Variants in BDH2 observed in about 807,000 individuals in gnomAD.
The protein encoded by BDH2 is dehydrogenase/reductase SDR family member 6.
Under a neutral mutation model 33.2 loss-of-function variants are expected in BDH2, and 24 were observed. The observed-to-expected ratio is 0.72, with a 90% CI of 0.52 to 1.02. BDH2 has a LOEUF of 1.02. BDH2 is among the 50% of genes least tolerant of loss of function. BDH2 has a pLI of 0.00. For missense variants in BDH2, 249 were observed against 301.6 expected (o/e 0.83, Z 1.29); for synonymous variants, 81 against 101.6 (o/e 0.80, Z 1.22).
chr4:103,096,269 T>C lies in BDH2; in HGVS notation c.-15A>G. ...AGTCGACCCATAATGGAACCTGTGG[T>C]TTAATCTAAAGACATGTGTGTTTAA... On this transcript the variant is annotated 5_prime_UTR_variant, in exon 2 of 10. Transcript: ENST00000296424. 1 of 1,610,628 alleles carries C rather than the reference T, an allele frequency of 6.2e-7. No homozygotes were observed. The highest frequency in any genetic ancestry group is 8.5e-7 in the Non-Finnish European group (1 of 1,177,090).
intron 1 of BDH2, chr4:103,099,230 C>T (rs1748539915): frequency 6.6e-6 from 1 of 152,208 alleles, no homozygotes; most frequent in South Asian, 2.1e-4. Context: ...GAAGCACTTC[C>T]AGAACAAATG....
intron 1 of BDH2, chr4:103,099,170 C>T (rs1748536923): frequency 6.6e-6 from 1 of 152,052 alleles, no homozygotes; most frequent in Admixed American, 6.6e-5. Context: ...GGTGTATGGC[C>T]CTGTAAAGCC....
At chr4:103,084,757 T>G (rs1385187740) in intron 7 of BDH2, among the ~76,000 whole-genome samples, 3 of 152,208 alleles carry the variant, frequency 2.0e-5, no homozygotes, top group Non-Finnish European at 4.4e-5. Context: ...TTTCCCCTCT[T>G]TAAGTCAGTG....
At chr4:103,095,873 G>A (rs1006137289) in intron 2 of BDH2, among the ~76,000 whole-genome samples, 7 of 152,172 alleles carry the variant, frequency 4.6e-5, no homozygotes, top group Non-Finnish European at 1.0e-4. Context: ...AGAAAGCTGT[G>A]TAACCCTGTT....
At chr4:103,095,445 T>G (rs1748356108) in intron 2 of BDH2, among the ~76,000 whole-genome samples, 164 bp from the exon 3 acceptor site, 1 of 152,212 alleles carries the variant, frequency 6.6e-6, no homozygotes, top group Non-Finnish European at 1.5e-5. Flanking sequence ...TTCTCCATTG[T>G]TATTATTTTT....
At position 103,079,083 on chromosome 4, in the gene BDH2, A is replaced by G. The variant is rs1423243758; in HGVS notation, c.*619T>C. ...TTAATTGTATATGCTGCAATGGCCT[A>G]TTTGTATCACCCCAGAGTCATGTGT... On this transcript the variant is annotated 3_prime_UTR_variant, in exon 10 of 10. Coordinates refer to ENST00000296424, the MANE Select transcript of BDH2 (RefSeq NM_020139.4). Among the ~76,000 whole-genome samples, 1 of 152,220 alleles carries G rather than the reference A, an allele frequency of 6.6e-6. No individual in the cohort carries two copies. The highest frequency in any genetic ancestry group is 2.4e-5 in the African/African-American group (1 of 41,454).
chr4:103,095,032 C>T (rs1216121947), intron 3 of BDH2, among the ~76,000 whole-genome samples, 171 bp downstream of exon 3: 1 of 152,194 alleles, frequency 6.6e-6, no homozygotes, highest in Non-Finnish European at 1.5e-5. Flanking sequence ...ATGTAAGTCA[C>T]AGATTTTTGT....
chr4:103,098,256 G>A (rs1489619851), intron 1 of BDH2, among the ~76,000 whole-genome samples: 5 of 152,198 alleles, frequency 3.3e-5, no homozygotes, highest in Non-Finnish European at 7.4e-5. Flanking sequence ...TCAGAGATGA[G>A]ATAGGTAGGA....
chr4:103,096,209 G>C lies in BDH2; in HGVS notation c.46C>G (p.Gln16Glu). 1 of 1,613,792 alleles carries C rather than the reference G, an allele frequency of 6.2e-7. No homozygotes were observed. Among genetic ancestry groups the C allele is most frequent in the Non-Finnish European group, 8.5e-7 (1 of 1,179,734 alleles). Residue 16 changes from glutamine to glutamate, a missense_variant, in exon 2 of 10, where the codon CAG becomes GAG. By Grantham distance (29) the Gln-to-Glu change is conservative. Coordinates refer to ENST00000296424, the MANE Select transcript of BDH2 (RefSeq NM_020139.4). ...AAGGCAGCTGCTTGGCCAATCCCCT[G>C]AGCAGCGGCCGTCAGGATGATGACT... ...GKVIILTAAAQGIGQAAALAF... is the reference protein window; with the variant it reads ...GKVIILTAAAEGIGQAAALAF...
rs1377767619 is a variant in BDH2, at chr4:103,078,371, A to G, written c.*1331T>C. ...CAAATTTTATGTCCTCTTTTCTGTTATCCTGGAGTTTGGTGAAGAAATCTG... is the reference window on the plus strand; with the variant it reads ...CAAATTTTATGTCCTCTTTTCTGTTGTCCTGGAGTTTGGTGAAGAAATCTG... On this transcript the variant is annotated 3_prime_UTR_variant, in exon 10 of 10. Transcript: ENST00000296424. Among the ~76,000 whole-genome samples the G allele has an allele frequency of 3.3e-5, 5 of 152,142 alleles. No individual in the cohort carries two copies. The highest frequency in any genetic ancestry group is 2.0e-4 in the Admixed American group (3 of 15,278).
chr4:103,086,566 A>C, intron 5 of BDH2, 26 bp from the exon 6 acceptor site: 1 of 1,574,760 alleles, frequency 6.4e-7, no homozygotes, highest in Non-Finnish European at 8.6e-7. Context: ...AAATACAAAA[A>C]AAAAAAAATC....
At position 103,078,629 on chromosome 4, in the gene BDH2, G is replaced by A. The variant is rs755689248; in HGVS notation, c.*1073C>T. On this transcript the variant is annotated 3_prime_UTR_variant, in exon 10 of 10. Coordinates refer to ENST00000296424, the MANE Select transcript of BDH2 (RefSeq NM_020139.4). ...GCTGAACTCCTTTACTCCTTTTACT[G>A]TAAGCTATTGAAGCCAAACTCCTTC... Among the ~76,000 whole-genome samples the A allele has an allele frequency of 2.6e-5, 4 of 152,114 alleles. No homozygotes were observed. Among genetic ancestry groups the A allele is most frequent in the African/African-American group, 7.2e-5 (3 of 41,406 alleles).
chr4:103,081,230 C>T (rs1747511036), intron 9 of BDH2, among the ~76,000 whole-genome samples: 2 of 152,182 alleles, frequency 1.3e-5, no homozygotes, highest in African/African-American at 4.8e-5. Context: ...AACTGTTAAA[C>T]AGATGCAAAG....
intron 7 of BDH2, 53 bp downstream of exon 7, chr4:103,085,296 T>A: frequency 7.2e-7 from 1 of 1,379,856 alleles, no homozygotes; most frequent in Non-Finnish European, 1.0e-6. Context: ...GCAAATTGGG[T>A]GTGGAAGTGT....
chr4:103,095,208 T>C lies in BDH2; in HGVS notation c.146A>G (p.Tyr49Cys). ...CAAGCTGCTGAGTTGCTTACCCGGG[T>C]ACTTTTCCAGTTCCTGAAGTTTGGA... ...NESKLQELEK[Y>C]PGIQTRVLDV... Residue 49 changes from tyrosine to cysteine, a missense_variant, in exon 3 of 10, where the codon TAC becomes TGC. Tyr to Cys is a radical substitution (Grantham distance 194). Coordinates refer to ENST00000296424, the MANE Select transcript of BDH2 (RefSeq NM_020139.4). 6.2e-7 allele frequency: 1 copy of C among 1,609,884 alleles called. No homozygotes were observed. Among genetic ancestry groups the C allele is most frequent in the Non-Finnish European group, 8.5e-7 (1 of 1,176,468 alleles).
intron 1 of BDH2, chr4:103,097,680 G>A (rs1001788340): frequency 8.5e-5 from 13 of 152,228 alleles, no homozygotes; most frequent in African/African-American, 2.2e-4. Flanking sequence ...CCCACCTGCA[G>A]TTCATTCACC....
At position 103,079,622 on chromosome 4, in the gene BDH2, G is replaced by C; in HGVS notation, c.*80C>G. The stretch of plus-strand genomic sequence containing the variant: ...AACATGTGATTAACAGGAAGGAGAT[G>C]ATTGGTGAGTTTTCTTCGTAACCAG... On this transcript the variant is annotated 3_prime_UTR_variant, in exon 10 of 10. Transcript: ENST00000296424. The C allele has an allele frequency of 7.4e-7, 1 of 1,354,230 alleles. No homozygotes were observed. The highest frequency in any genetic ancestry group is 1.2e-5 in the South Asian group (1 of 84,472). 83.9% of individuals were successfully genotyped at this position (1,354,230 alleles called of 1,614,324 possible). A position where few individuals can be genotyped will look rare whatever the true frequency, so the allele number is the denominator to read the frequency against.
At chr4:103,090,039 G>A (rs1040372142) in intron 5 of BDH2, among the ~76,000 whole-genome samples, 1 of 152,148 alleles carries the variant, frequency 6.6e-6, no homozygotes, top group Non-Finnish European at 1.5e-5. Context: ...CAGCCCTGCT[G>A]TGCCATTAAC....
intron 9 of BDH2, among the ~76,000 whole-genome samples, chr4:103,080,816 C>T (rs1747477340): frequency 6.6e-6 from 1 of 152,196 alleles, no homozygotes. Context: ...ATCAAATGAG[C>T]TATTCTGAAG....
Sources: gnomAD v4.1 joint callset for allele counts (sites outside exome capture counted in the v4.1 genomes callset) on GRCh38, gnomAD v4.1.1 for gene constraint, MANE v1.5 for transcripts, NCBI Gene and HGNC (gene_info 2026-07-23, HGNC 2026-07-21) for gene names.